The following PHLDB2 variants were observed in gnomAD, a reference collection of about 807,000 sequenced individuals.
PHLDB2 encodes the protein pleckstrin homology like domain family B member 2.
Under a neutral mutation model 123.6 loss-of-function variants are expected in PHLDB2, and 71 were observed. That is an observed-to-expected ratio of 0.57 (90% CI 0.47 to 0.70). The LOEUF is 0.70. Among genes scored for constraint, PHLDB2 ranks in the 30% least tolerant of loss-of-function variants. The probability of loss-of-function intolerance (pLI) is 0.00; values close to 1 mark genes in which losing one functional copy is unlikely to be tolerated. For missense variants in PHLDB2, 1,446 were observed against 1,519.5 expected, an observed-to-expected ratio of 0.95 and a Z score of 0.80; for synonymous variants, 547 against 541.6, an observed-to-expected ratio of 1.01 and a Z score of -0.14.
At chr3:111,807,083 A>C (rs139937196) in intron 1 of PHLDB2, among the ~76,000 whole-genome samples, 3 of 151,758 alleles carry the variant, frequency 2.0e-5, no homozygotes, top group Non-Finnish European at 4.4e-5. Flanking sequence ...TACTAGATAC[A>C]GGATACTAGA....
intron 1 of PHLDB2, chr3:111,859,824 G>C: frequency 4.1e-6 from 4 of 985,766 alleles, no homozygotes; most frequent in Non-Finnish European, 4.8e-6. Context: ...GCAAAGGCTA[G>C]GCGCTAGGGC....
At position 111,757,860 on chromosome 3, in the gene PHLDB2, A is replaced by G. The variant is rs1024043467; in HGVS notation, c.-49+25157A>G. Reference sequence around the variant, plus strand: ...TGCAGGTCTGTTGGAGTTTGCTAGAAGTCCACTCCAGACACTGTTTGCCTC... The same window carrying G: ...TGCAGGTCTGTTGGAGTTTGCTAGAGGTCCACTCCAGACACTGTTTGCCTC... On this transcript the variant is annotated intron_variant, in intron 1 of 17. Coordinates refer to the PHLDB2 transcript ENST00000393923. Among the ~76,000 whole-genome samples the G allele has an allele frequency of 7.2e-5, 11 of 152,286 alleles. No homozygotes were observed. In the East Asian group the frequency reaches 7.7e-4, roughly 11 times the overall value.
chr3:111,756,226 G>A (rs1226759698), intron 1 of PHLDB2, among the ~76,000 whole-genome samples: 8 of 151,488 alleles, frequency 5.3e-5, no homozygotes, highest in Admixed American at 2.6e-4. Context: ...TTTCTGTCTC[G>A]TTGATCTGTC....
At chr3:111,868,488 A>G (rs2065189810) in intron 1 of PHLDB2, among the ~76,000 whole-genome samples, 1 of 150,744 alleles carries the variant, frequency 6.6e-6, no homozygotes, top group Admixed American at 6.6e-5. Flanking sequence ...TCTTCCTCCC[A>G]CCCCTGGGGA....
intron 12 of PHLDB2, among the ~76,000 whole-genome samples, chr3:111,960,743 A>C (rs540581352): frequency 4.6e-5 from 7 of 152,290 alleles, no homozygotes; most frequent in Non-Finnish European, 1.0e-4. Context: ...CCAGTTGTGA[A>C]CTCTGAATAG....
chr3:111,906,778 CA>C (rs2067565304), intron 2 of PHLDB2, among the ~76,000 whole-genome samples: 1 of 152,214 alleles, frequency 6.6e-6, no homozygotes. Context: ...TCACATTCTC[CA>C]ATAACTTACA....
intron 1 of PHLDB2, among the ~76,000 whole-genome samples, chr3:111,758,461 C>T (rs957438844): frequency 3.9e-5 from 6 of 152,176 alleles, no homozygotes; most frequent in Admixed American, 6.5e-5. Flanking sequence ...GTCGGAAAAG[C>T]GCAGTATTAG....
chr3:111,798,898 A>G (rs1321772219), intron 1 of PHLDB2, among the ~76,000 whole-genome samples: 1 of 152,156 alleles, frequency 6.6e-6, no homozygotes, highest in Non-Finnish European at 1.5e-5. Flanking sequence ...TGCTGCTAAT[A>G]AAGACATACC....
At chr3:111,938,877 A>G (rs979263777) in intron 6 of PHLDB2, among the ~76,000 whole-genome samples, 11 of 152,006 alleles carry the variant, frequency 7.2e-5, no homozygotes, top group African/African-American at 2.4e-4. Context: ...GTGCAATGGC[A>G]CAATCTCGGC....
chr3:111,927,380 TAAAC>T (rs2068873218), intron 5 of PHLDB2, among the ~76,000 whole-genome samples: 2 of 151,960 alleles, frequency 1.3e-5, no homozygotes, highest in Non-Finnish European at 2.9e-5. Flanking sequence ...AATAAATAAA[TAAAC>T]AAATAAATAA....
intron 2 of PHLDB2, among the ~76,000 whole-genome samples, chr3:111,898,182 T>TTGTGTGTGTGTGTGTGTGTGTG (rs58183787): frequency 1.4e-5 from 2 of 142,550 alleles, no homozygotes; most frequent in African/African-American, 5.4e-5. Flanking sequence ...GTGTGTGTGT[T>TTGTGTGTGTGTGTGTGTGTGTG]TGTGTGTGTG....
At chr3:111,922,721 T>G (rs2137898) in intron 5 of PHLDB2, among the ~76,000 whole-genome samples, 55,816 of 152,084 alleles carry the variant, frequency 0.37, 10,724 homozygotes, top group East Asian at 0.7. Flanking sequence ...AACATTATTA[T>G]GTTTCTCAAA....
intron 12 of PHLDB2, among the ~76,000 whole-genome samples, chr3:111,961,052 G>A (rs2071378474): frequency 6.6e-6 from 1 of 152,214 alleles, no homozygotes; most frequent in Non-Finnish European, 1.5e-5. Flanking sequence ...AGACCTCTTG[G>A]CCGGGCACGG....
At chr3:111,817,554 C>A (rs2062146914) in intron 1 of PHLDB2, among the ~76,000 whole-genome samples, 2 of 152,156 alleles carry the variant, frequency 1.3e-5, no homozygotes, top group Admixed American at 1.3e-4. Flanking sequence ...TCTTTTTATT[C>A]TTTACTTTTC....
intron 2 of PHLDB2, among the ~76,000 whole-genome samples, chr3:111,902,492 T>C (rs1307537689): frequency 1.3e-5 from 2 of 152,124 alleles, no homozygotes; most frequent in African/African-American, 4.8e-5. Flanking sequence ...TAAACATTAC[T>C]TTAGCATATG....
At chr3:111,896,870 T>A (rs760974812) in intron 2 of PHLDB2, among the ~76,000 whole-genome samples, 6 of 151,926 alleles carry the variant, frequency 3.9e-5, no homozygotes, top group Non-Finnish European at 5.9e-5. Context: ...AGAAGTCACT[T>A]AAACAAAATA....
chr3:111,882,668 C>T (rs1469202869), intron 1 of PHLDB2, among the ~76,000 whole-genome samples: 1 of 152,140 alleles, frequency 6.6e-6, no homozygotes, highest in Non-Finnish European at 1.5e-5. Flanking sequence ...CAGTTGGGTA[C>T]CTGGCCCATC....
At chr3:111,751,562 T>A (rs2059775142) in intron 1 of PHLDB2, among the ~76,000 whole-genome samples, 1 of 151,422 alleles carries the variant, frequency 6.6e-6, no homozygotes, top group South Asian at 2.1e-4. Flanking sequence ...GTTCTACTCA[T>A]TTTATAAAAC....
At chr3:111,737,994 G>T (rs767889075) in intron 1 of PHLDB2, among the ~76,000 whole-genome samples, 75 of 152,234 alleles carry the variant, frequency 4.9e-4, no homozygotes, top group South Asian at 6.2e-4. Context: ...AGAAGATGTT[G>T]CAGTGAATTG....
Sources: gnomAD v4.1 joint callset for allele counts (sites outside exome capture counted in the v4.1 genomes callset) on GRCh38, gnomAD v4.1.1 for gene constraint, MANE v1.5 for transcripts, NCBI Gene and HGNC (gene_info 2026-07-23, HGNC 2026-07-21) for gene names.